Variants in GRID2IP observed in about 807,000 individuals in gnomAD.
GRID2IP encodes the protein delphilin.
GRID2IP carries 78 observed loss-of-function variants against 114.3 expected under a neutral mutation model. That is an observed-to-expected ratio of 0.68 (90% confidence interval 0.57 to 0.82). The LOEUF (loss-of-function observed/expected upper bound fraction) is 0.82, where lower values mean the gene tolerates loss of function less well. GRID2IP is among the 40% of genes least tolerant of loss of function. GRID2IP has a pLI of 0.00. For synonymous variants in GRID2IP, 809 were observed against 724.0 expected (o/e 1.12, Z -1.89); for missense variants, 1,727 against 1,678.5 (o/e 1.03, Z -0.51).
Position 6,497,542 on chromosome 7 carries a change from G to A in GRID2IP, c.*232C>T, listed in dbSNP as rs1786288094. 4 of 452,846 alleles carry A rather than the reference G, an allele frequency of 8.8e-6. No homozygotes were observed. The highest frequency in any genetic ancestry group is 1.6e-5 in the Non-Finnish European group (4 of 254,242). The allele number at this position is 452,846 out of a possible 1,614,324, so 28.1% of individuals were successfully genotyped here. ...GCCGACAGAGCACGGTCCTCCATGTGCAGGCACACTCAGCACCTGCTCCTA... is the reference window on the plus strand; with the variant it reads ...GCCGACAGAGCACGGTCCTCCATGTACAGGCACACTCAGCACCTGCTCCTA... On this transcript the variant is annotated 3_prime_UTR_variant, in exon 22 of 22. Transcript: ENST00000457091.
intron 20 of GRID2IP, among the ~76,000 whole-genome samples, chr7:6,501,181 T>C (rs1205380378): frequency 6.6e-6 from 1 of 152,110 alleles, no homozygotes; most frequent in African/African-American, 2.4e-5. Flanking sequence ...TGAACCCATG[T>C]CTATACTAAA....
intron 20 of GRID2IP, among the ~76,000 whole-genome samples, chr7:6,500,533 A>G (rs1241830947): frequency 6.6e-6 from 1 of 152,240 alleles, no homozygotes; most frequent in African/African-American, 2.4e-5. Context: ...CCCAAGCTGT[A>G]GAGTTTGCTT....
Position 6,504,821 on chromosome 7 carries a change from G to A in GRID2IP, c.2682C>T (p.Ile894=), listed in dbSNP as rs1047427679. 11 of 1,551,272 alleles carry A rather than the reference G, an allele frequency of 7.1e-6. No homozygotes were observed. The African/African-American group carries it at 1.2e-4, about 17-fold the overall frequency. ...TGTTGTAGGCCTTCTTATGGGACAG[G>A]ATCTCCACCACCTCCTTCTTCCGGA... is the stretch of plus-strand genomic sequence containing the variant. ...EPFRKKEVVE[I]LSHKKAYNTS... The change falls in exon 15 of 22, where the codon ATC becomes ATT. Residue 894 remains isoleucine, a synonymous_variant. Coordinates refer to ENST00000457091, the MANE Select transcript of GRID2IP (RefSeq NM_001145118.2).
At chr7:6,535,016 G>A (rs1779700163) in intron 2 of GRID2IP, among the ~76,000 whole-genome samples, 1 of 152,226 alleles carries the variant, frequency 6.6e-6, no homozygotes, top group Admixed American at 6.5e-5. Context: ...CTCCCGAGTA[G>A]CTGGGATTAC....
At chr7:6,504,729 C>G in intron 15 of GRID2IP, 64 bp downstream of exon 15, 1 of 1,286,882 alleles carries the variant, frequency 7.8e-7, no homozygotes, top group Non-Finnish European at 1.1e-6. Flanking sequence ...CTGGGCAGGT[C>G]TGAGGCCCAG....
rs779678924 is a variant in GRID2IP at position 6,510,629 on chromosome 7, C to T, written c.1633G>A (p.Glu545Lys). The T allele has an allele frequency of 6.5e-7, 1 of 1,536,606 alleles. No individual in the cohort carries two copies. Among genetic ancestry groups the T allele is most frequent in the South Asian group, 1.2e-5 (1 of 82,064 alleles). The change falls in exon 10 of 22, where the codon GAG becomes AAG. Residue 545 changes from glutamate (E) to lysine (K), a missense_variant. Glu to Lys is a moderately conservative substitution (Grantham distance 56). Transcript: ENST00000457091. ...CTCACCATCTTGGGGTTGGGGGTCT[C>T]AGGGAGGGACGTGCCGTCGCCTGCC... ...RQAGDGTSLPETPNPKMMSAV... is the reference protein window; with the variant it reads ...RQAGDGTSLPKTPNPKMMSAV...
Position 6,501,987 on chromosome 7 carries a change from A to G in GRID2IP, c.3280+2T>C. ...GCCTCCCCATCCACCCACCCAGCAT[A>G]CCTTTGGCAGCCAGGGGCACGGTGG... On this transcript the variant is annotated splice_donor_variant, in intron 19 of 21. Transcript: ENST00000457091. LOFTEE classifies it high-confidence loss of function. 6.4e-7 allele frequency: 1 copy of G among 1,550,864 alleles called. No homozygotes were observed. Among genetic ancestry groups the G allele is most frequent in the Non-Finnish European group, 8.7e-7 (1 of 1,146,790 alleles).
intron 2 of GRID2IP, among the ~76,000 whole-genome samples, chr7:6,537,498 C>T (rs1779747540): frequency 6.7e-6 from 1 of 149,562 alleles, no homozygotes; most frequent in East Asian, 2.0e-4. Context: ...CTGCCTCAGC[C>T]TCCCCAGTAG....
At chr7:6,510,434 T>C in intron 10 of GRID2IP, 34 bp from the exon 11 acceptor site, 1 of 1,457,198 alleles carries the variant, frequency 6.9e-7, no homozygotes, top group Non-Finnish European at 9.2e-7. Context: ...CAGCCCATTC[T>C]GCTTCCCCTC....
At chr7:6,511,224 G>A (rs974741998) in intron 8 of GRID2IP, among the ~76,000 whole-genome samples, 185 bp from the exon 9 acceptor site, 3 of 150,758 alleles carry the variant, frequency 2.0e-5, no homozygotes, top group African/African-American at 7.5e-5. Flanking sequence ...CCAGGTGCCA[G>A]GAGCAGCACC....
At chr7:6,525,598 C>A (rs984543840) in intron 4 of GRID2IP, among the ~76,000 whole-genome samples, 2 of 152,146 alleles carry the variant, frequency 1.3e-5, no homozygotes, top group South Asian at 4.1e-4. Flanking sequence ...TGCACCACTG[C>A]ACTCCAGCCT....
At position 6,526,829 on chromosome 7, in the gene GRID2IP, C is replaced by T; in HGVS notation, c.585-60G>A. The T allele has an allele frequency of 3.5e-6, 5 of 1,415,174 alleles. 1 individual carries two copies. Among genetic ancestry groups the T allele is most frequent in the Middle Eastern group, 2.4e-4 (1 of 4,114 alleles). The allele number at this position is 1,415,174 out of a possible 1,614,324, so 87.7% of individuals were successfully genotyped here. ...CCGGACCCCGGATCTCTGCAAACCGCGGCCCGAAGGCGCGTCCTCGCGGGC... is the reference window on the plus strand; with the variant it reads ...CCGGACCCCGGATCTCTGCAAACCGTGGCCCGAAGGCGCGTCCTCGCGGGC... On this transcript the variant is annotated intron_variant, in intron 2 of 21. Transcript: ENST00000457091. The surrounding 1 kb of genome is among the most constrained non-coding windows in gnomAD (Gnocchi z 7.6).
intron 20 of GRID2IP, among the ~76,000 whole-genome samples, chr7:6,500,122 A>G (rs1057247719): frequency 3.9e-5 from 6 of 152,020 alleles, no homozygotes; most frequent in Non-Finnish European, 8.8e-5. Context: ...GAGGGATGCT[A>G]GAGTGGACTA....
chr7:6,524,532 G>T (rs1779472084), intron 4 of GRID2IP, among the ~76,000 whole-genome samples: 1 of 152,092 alleles, frequency 6.6e-6, no homozygotes, highest in South Asian at 2.1e-4. Flanking sequence ...GGAAGAAAGG[G>T]ATTCTTGCAC....
intron 2 of GRID2IP, among the ~76,000 whole-genome samples, chr7:6,530,886 C>T (rs549051963): frequency 5.8e-4 from 89 of 152,384 alleles, no homozygotes; most frequent in Non-Finnish European, 1.1e-3. Flanking sequence ...GCCCCGGTAC[C>T]CACCGAGTTT....
At position 6,523,883 on chromosome 7, in the gene GRID2IP, C is replaced by T. The variant is rs539662327; in HGVS notation, c.920-1926G>A. 1.9e-4 allele frequency among the ~76,000 whole-genome samples: 29 copies of T among 152,272 alleles called. No homozygotes were observed. Among genetic ancestry groups the T allele is most frequent in the African/African-American group, 7.0e-4 (29 of 41,554 alleles). On this transcript the variant is annotated intron_variant, in intron 4 of 21. Coordinates refer to ENST00000457091, the MANE Select transcript of GRID2IP (RefSeq NM_001145118.2). The surrounding 1 kb of genome is among the most constrained non-coding windows in gnomAD (Gnocchi z 4.5). ...TCTCTGGCTACACATGTGGGAGAGACTGGGAGATGGAGATGGTGGTGGTGG... is the reference window on the plus strand; with the variant it reads ...TCTCTGGCTACACATGTGGGAGAGATTGGGAGATGGAGATGGTGGTGGTGG...
intron 8 of GRID2IP, among the ~76,000 whole-genome samples, chr7:6,512,864 C>T (rs1262942631): frequency 6.6e-6 from 1 of 150,762 alleles, no homozygotes; most frequent in Non-Finnish European, 1.5e-5. Flanking sequence ...GTTGTGTTGC[C>T]CAAGCTGGAC....
chr7:6,497,979 G>A (rs1786304633), intron 21 of GRID2IP, 85 bp downstream of exon 21: 1 of 1,439,228 alleles, frequency 6.9e-7, no homozygotes. Flanking sequence ...CCCTTTCCCA[G>A]CCCTGGCTTC....
At chr7:6,540,762 C>T (rs967184554) in intron 1 of GRID2IP, among the ~76,000 whole-genome samples, 1 of 146,722 alleles carries the variant, frequency 6.8e-6, no homozygotes, top group African/African-American at 2.5e-5. Flanking sequence ...AACTCCTGGC[C>T]TCAGGTGACC....
Sources: allele counts gnomAD v4.1 joint callset (sites outside exome capture counted in the v4.1 genomes callset), GRCh38; gene constraint gnomAD v4.1.1; non-coding constraint Gnocchi (gnomAD v3.1); transcripts MANE v1.5; gene names NCBI Gene and HGNC (gene_info 2026-07-23, HGNC 2026-07-21).